The following FHAD1 variants were observed in gnomAD, a reference collection of about 807,000 sequenced individuals.
FHAD1 encodes the protein forkhead associated phosphopeptide binding domain 1.
Under a neutral mutation model 191.3 loss-of-function variants are expected in FHAD1, and 146 were observed. The observed-to-expected ratio is 0.76, with a 90% confidence interval of 0.67 to 0.88. FHAD1 has a LOEUF of 0.88. Among genes scored for constraint, FHAD1 ranks in the 40% least tolerant of loss-of-function variants. The probability of loss-of-function intolerance (pLI) is 0.00; values close to 1 mark genes in which losing one functional copy is unlikely to be tolerated. For missense variants in FHAD1, 1,635 were observed against 1,785.8 expected, an observed-to-expected ratio of 0.92 and a Z score of 1.52; for synonymous variants, 616 against 672.3, an observed-to-expected ratio of 0.92 and a Z score of 1.29.
At chr1:15,358,008 A>G in intron 20 of FHAD1, 102 bp from the exon 21 acceptor site, 1 of 785,256 alleles carries the variant, frequency 1.3e-6, no homozygotes, top group Non-Finnish European at 2.0e-6. Flanking sequence ...CAGAATAATT[A>G]GAGAATAGAC....
intron 28 of FHAD1, among the ~76,000 whole-genome samples, chr1:15,379,945 T>C (rs1479604755): frequency 2.0e-5 from 3 of 152,182 alleles, no homozygotes; most frequent in African/African-American, 7.2e-5. Flanking sequence ...ACAGACACAG[T>C]AACAATCTGA....
In FHAD1 at chr1:15,329,578, T is replaced by A. The variant is rs1208087029; in HGVS notation, c.1906+37T>A. 8 of 1,528,992 alleles carry A rather than the reference T, an allele frequency of 5.2e-6. No homozygotes were observed. The highest frequency in any genetic ancestry group is 7.1e-6 in the Non-Finnish European group (8 of 1,127,794). 94.7% of individuals were successfully genotyped at this position (1,528,992 alleles called of 1,614,324 possible). On this transcript the variant is annotated intron_variant, in intron 14 of 33. Transcript: ENST00000688493. The surrounding 1 kb of genome is among the most constrained non-coding windows in gnomAD (Gnocchi z 5.0). Reference sequence around the variant, plus strand: ...TTTTTTTCTCACATGGTTGCATGACTCTAAAATGTCGCGTTGAATCTCAGC... The same window carrying A: ...TTTTTTTCTCACATGGTTGCATGACACTAAAATGTCGCGTTGAATCTCAGC...
chr1:15,305,733 C>T, intron 6 of FHAD1: 1 of 444,012 alleles, frequency 2.3e-6, no homozygotes, highest in Non-Finnish European at 4.5e-6. Context: ...GCTTTTGCTT[C>T]TTCCGCATTT....
At chr1:15,358,371 T>C in intron 21 of FHAD1, 88 bp downstream of exon 21, 1 of 1,337,204 alleles carries the variant, frequency 7.5e-7, no homozygotes, top group Non-Finnish European at 1.0e-6. Context: ...GACCGGGGCT[T>C]CTCAGCCTCA....
chr1:15,352,119 C>G (rs1265320013), intron 19 of FHAD1, among the ~76,000 whole-genome samples: 1 of 152,136 alleles, frequency 6.6e-6, no homozygotes, highest in East Asian at 1.9e-4. Context: ...CCAATTCCCC[C>G]CAAAAAACTG....
Position 15,316,248 on chromosome 1 carries a change from A to G in FHAD1, c.1171-130A>G, listed in dbSNP as rs1674402693. ...ACCATGGGATGCCTTTTGGGATCTC[A>G]GTGCGTGACTGGATGGAAACAGCAG... On this transcript the variant is annotated intron_variant, in intron 8 of 33. Transcript: ENST00000688493. The surrounding 1 kb of genome is among the most constrained non-coding windows in gnomAD (Gnocchi z 4.3). 2 of 685,274 alleles carry G rather than the reference A, an allele frequency of 2.9e-6. No individual in the cohort carries two copies. Among genetic ancestry groups the G allele is most frequent in the Admixed American group, 2.8e-5 (1 of 36,036 alleles). The allele number at this position is 685,274 out of a possible 1,614,324, so 42.4% of individuals were successfully genotyped here.
chr1:15,280,100 C>G (rs147806165), intron 3 of FHAD1, among the ~76,000 whole-genome samples: 2 of 152,228 alleles, frequency 1.3e-5, no homozygotes, highest in African/African-American at 4.8e-5. Flanking sequence ...GTTTAGTCAT[C>G]CATCCCAGGG....
chr1:15,307,402 G>A (rs972269240), intron 6 of FHAD1, among the ~76,000 whole-genome samples: 4 of 152,158 alleles, frequency 2.6e-5, no homozygotes, highest in African/African-American at 9.7e-5. Flanking sequence ...GGGACTATTG[G>A]GAAGGCATGG....
intron 2 of FHAD1, among the ~76,000 whole-genome samples, chr1:15,256,875 C>T (rs973361866): frequency 9.2e-5 from 14 of 152,018 alleles, no homozygotes; most frequent in Non-Finnish European, 1.9e-4. Context: ...GCCCCTCTGC[C>T]CTTTGTGGAC....
At chr1:15,357,407 G>A (rs556638924) in intron 20 of FHAD1, among the ~76,000 whole-genome samples, 155 of 152,154 alleles carry the variant, frequency 1.0e-3, no homozygotes, top group African/African-American at 3.6e-3. Flanking sequence ...GGCGGATCAC[G>A]AGGTCAAGAG....
intron 31 of FHAD1, among the ~76,000 whole-genome samples, chr1:15,387,739 G>T (rs1201671340): frequency 6.6e-6 from 1 of 152,172 alleles, no homozygotes; most frequent in Non-Finnish European, 1.5e-5. Flanking sequence ...AAAAAAATTA[G>T]CTGGGTGTGG....
chr1:15,285,745 C>T (rs1424102006), intron 3 of FHAD1, among the ~76,000 whole-genome samples: 2 of 152,190 alleles, frequency 1.3e-5, no homozygotes, highest in South Asian at 4.1e-4. Flanking sequence ...GGGCTCAAAA[C>T]CAGCTTCTCT....
At position 15,290,469 on chromosome 1, in the gene FHAD1, A is replaced by G. The variant is rs181892649; in HGVS notation, c.568+803A>G. ...CCTTCGGAGTCCCCAGACATCTCCC[A>G]GCGGCTTCCATATCTTTTTCCGGTC... On this transcript the variant is annotated intron_variant, in intron 4 of 33. Transcript: ENST00000688493. 2.9e-3 allele frequency among the ~76,000 whole-genome samples: 441 copies of G among 152,262 alleles called. 3 individuals are homozygous for G. Among genetic ancestry groups the G allele is most frequent in the Non-Finnish European group, 5.0e-3 (342 of 68,014 alleles).
intron 14 of FHAD1, chr1:15,334,725 A>G (rs1275822864): frequency 2.0e-5 from 3 of 152,230 alleles, no homozygotes; most frequent in South Asian, 4.1e-4. Flanking sequence ...TGACCTAAAC[A>G]TGGGTAGCCA....
intron 6 of FHAD1, among the ~76,000 whole-genome samples, chr1:15,303,128 G>T (rs1315758035): frequency 1.3e-5 from 2 of 152,210 alleles, no homozygotes; most frequent in Non-Finnish European, 2.9e-5. Context: ...AGAGAACAAG[G>T]TTGACCTGAT....
intron 17 of FHAD1, 97 bp downstream of exon 17, chr1:15,345,287 A>C: frequency 7.4e-7 from 1 of 1,353,654 alleles, no homozygotes; most frequent in South Asian, 1.3e-5. Context: ...TCTGAGCTCC[A>C]GGGCTGTGCT....
chr1:15,367,138 T>C (rs1696725994), intron 24 of FHAD1, among the ~76,000 whole-genome samples: 1 of 152,130 alleles, frequency 6.6e-6, no homozygotes, highest in South Asian at 2.1e-4. Flanking sequence ...CTATATCTGC[T>C]CACTCTTAGT....
chr1:15,297,789 G>C (rs1667422116), intron 5 of FHAD1, among the ~76,000 whole-genome samples: 1 of 152,082 alleles, frequency 6.6e-6, no homozygotes, highest in African/African-American at 2.4e-5. Context: ...GGGACACCTG[G>C]AATTAGTTTT....
chr1:15,239,259 G>A (rs1227950775), intron 1 of FHAD1, among the ~76,000 whole-genome samples: 1 of 152,046 alleles, frequency 6.6e-6, no homozygotes, highest in African/African-American at 2.4e-5. Flanking sequence ...TGCATGTCAG[G>A]TACTGCTCTG....
Sources: gnomAD v4.1 joint callset for allele counts (sites outside exome capture counted in the v4.1 genomes callset) on GRCh38, gnomAD v4.1.1 for gene constraint, Gnocchi (gnomAD v3.1) non-coding constraint, MANE v1.5 for transcripts, NCBI Gene and HGNC (gene_info 2026-07-23, HGNC 2026-07-21) for gene names.